The following NAALADL2 variants were observed in gnomAD, a reference collection of about 807,000 sequenced individuals.
The protein encoded by NAALADL2 is N-acetylated alpha-linked acidic dipeptidase like 2.
In NAALADL2, 76 loss-of-function variants were observed where a neutral mutation model predicts 87.2. The ratio of observed to expected loss-of-function variants is 0.87; its 90% CI spans 0.72 to 1.05. The LOEUF is 1.05. Among genes scored for constraint, NAALADL2 ranks in the 50% least tolerant of loss-of-function variants. The pLI, the probability that NAALADL2 is intolerant of heterozygous loss-of-function variation, is 0.00. For synonymous variants in NAALADL2, 354 were observed against 331.0 expected, an observed-to-expected ratio of 1.07 and a Z score of -0.75; for missense variants, 1,089 against 945.8, an observed-to-expected ratio of 1.15 and a Z score of -1.99.
intron 2 of NAALADL2, among the ~76,000 whole-genome samples, chr3:174,684,082 C>T (rs1056117889): frequency 1.3e-5 from 2 of 151,792 alleles, no homozygotes; most frequent in African/African-American, 4.8e-5. Context: ...GCATTTCAGC[C>T]AATCTTTTTT....
intron 2 of NAALADL2, among the ~76,000 whole-genome samples, chr3:174,569,787 C>T (rs1714707619): frequency 6.6e-6 from 1 of 152,114 alleles, no homozygotes; most frequent in Admixed American, 6.6e-5. Context: ...TCAAGGATGT[C>T]TCTACATCCT....
At chr3:175,264,137 G>T (rs1330663082) in intron 4 of NAALADL2, among the ~76,000 whole-genome samples, 1 of 151,742 alleles carries the variant, frequency 6.6e-6, no homozygotes, top group East Asian at 1.9e-4. Flanking sequence ...ATGCAAGAAT[G>T]GGAGAAACAA....
At chr3:175,270,081 A>T (rs1420206376) in intron 4 of NAALADL2, among the ~76,000 whole-genome samples, 1 of 152,226 alleles carries the variant, frequency 6.6e-6, no homozygotes, top group Non-Finnish European at 1.5e-5. Flanking sequence ...AGCAGCCAGG[A>T]TTCCCAACAA....
At chr3:175,244,225 A>G (rs900022074) in intron 3 of NAALADL2, among the ~76,000 whole-genome samples, 2 of 152,150 alleles carry the variant, frequency 1.3e-5, no homozygotes, top group African/African-American at 4.8e-5. Flanking sequence ...TATGTTAACC[A>G]TGGGAAAACT....
intron 4 of NAALADL2, among the ~76,000 whole-genome samples, chr3:175,301,102 G>A (rs1757031226): frequency 6.6e-6 from 1 of 152,006 alleles, no homozygotes; most frequent in Non-Finnish European, 1.5e-5. Context: ...GTCTCTTTCA[G>A]TTTTGCTCTG....
At chr3:175,656,345 GTTGAAATGAGAGAACTTT>G in intron 11 of NAALADL2, among the ~76,000 whole-genome samples, 1 of 152,100 alleles carries the variant, frequency 6.6e-6, no homozygotes, top group Non-Finnish European at 1.5e-5. Context: ...TTATCTTTCA[GTTGAAATGAGAGAACTTT>G]TCTTTGGTAA....
intron 1 of NAALADL2, among the ~76,000 whole-genome samples, chr3:174,969,705 G>C (rs1242340204): frequency 6.6e-6 from 1 of 152,104 alleles, no homozygotes; most frequent in Non-Finnish European, 1.5e-5. Context: ...GTCTGTGATG[G>C]AGCCCATTGA....
At chr3:175,794,966 C>A (rs1373248761) in intron 13 of NAALADL2, among the ~76,000 whole-genome samples, 1 of 152,140 alleles carries the variant, frequency 6.6e-6, no homozygotes, top group Non-Finnish European at 1.5e-5. Flanking sequence ...GCTGGCTTGT[C>A]AGTGGCTGCC....
chr3:175,503,071 C>T (rs1363005846), intron 9 of NAALADL2, among the ~76,000 whole-genome samples: 3 of 151,994 alleles, frequency 2.0e-5, no homozygotes, highest in Non-Finnish European at 2.9e-5. Flanking sequence ...TTTCAGTCCT[C>T]ACCTTCCACC....
At chr3:174,844,663 A>G (rs1486225939) in intron 3 of NAALADL2, among the ~76,000 whole-genome samples, 1 of 151,760 alleles carries the variant, frequency 6.6e-6, no homozygotes, top group Non-Finnish European at 1.5e-5. Flanking sequence ...GTTTTCTTCA[A>G]TTTATTTAAT....
At chr3:174,745,626 A>C (rs1034307836) in intron 3 of NAALADL2, among the ~76,000 whole-genome samples, 3 of 152,156 alleles carry the variant, frequency 2.0e-5, no homozygotes, top group Admixed American at 1.3e-4. Flanking sequence ...CCTGGTAGAG[A>C]TACAACGACA....
intron 2 of NAALADL2, among the ~76,000 whole-genome samples, chr3:174,604,753 TTTTCTTTTCTTTC>T (rs1342553880): frequency 2.6e-5 from 4 of 151,882 alleles, no homozygotes; most frequent in Non-Finnish European, 5.9e-5. Context: ...TGTTTTGTTC[TTTTCTTTTCTTTC>T]TTTCTTTTCT....
chr3:175,122,465 A>T (rs1726301292), intron 2 of NAALADL2, among the ~76,000 whole-genome samples: 1 of 152,002 alleles, frequency 6.6e-6, no homozygotes, highest in South Asian at 2.1e-4. Context: ...GTAATGAGAC[A>T]TTAAATATTG....
intron 1 of NAALADL2, among the ~76,000 whole-genome samples, chr3:175,002,894 A>T (rs1321039786): frequency 6.6e-6 from 1 of 152,204 alleles, no homozygotes; most frequent in Non-Finnish European, 1.5e-5. Context: ...GCAGGCATGT[A>T]TAAGTATAAA....
At chr3:175,357,145 C>G (rs939232192) in intron 5 of NAALADL2, among the ~76,000 whole-genome samples, 4 of 152,072 alleles carry the variant, frequency 2.6e-5, no homozygotes, top group Non-Finnish European at 5.9e-5. Context: ...TTTTATTCCA[C>G]TTGGCTTGCT....
chr3:175,048,964 A>G (rs1451309959), intron 1 of NAALADL2, among the ~76,000 whole-genome samples: 1 of 152,120 alleles, frequency 6.6e-6, no homozygotes, highest in Non-Finnish European at 1.5e-5. Flanking sequence ...TATTTTCTCT[A>G]TTAGAAAAAT....
chr3:175,154,892 C>A (rs1048200057), intron 2 of NAALADL2, among the ~76,000 whole-genome samples: 1 of 152,088 alleles, frequency 6.6e-6, no homozygotes, highest in Non-Finnish European at 1.5e-5. Flanking sequence ...TTACTCCATA[C>A]CCCTGTTATT....
chr3:175,271,648 C>T (rs1372350371), intron 4 of NAALADL2, among the ~76,000 whole-genome samples: 6 of 152,056 alleles, frequency 3.9e-5, no homozygotes, highest in South Asian at 2.1e-4. Flanking sequence ...AAAAATTCGC[C>T]GGGTGTGGTG....
chr3:174,646,750 A>G (rs916713021), intron 2 of NAALADL2, among the ~76,000 whole-genome samples: 2 of 152,122 alleles, frequency 1.3e-5, no homozygotes, highest in African/African-American at 4.8e-5. Flanking sequence ...GCAAATATTT[A>G]TTTTATAGAT....
Sources: gnomAD v4.1 joint callset for allele counts (sites outside exome capture counted in the v4.1 genomes callset) on GRCh38, gnomAD v4.1.1 for gene constraint, MANE v1.5 for transcripts, NCBI Gene and HGNC (gene_info 2026-07-23, HGNC 2026-07-21) for gene names.